The following MALRD1 variants were observed in gnomAD, a reference collection of about 807,000 sequenced individuals.
The protein encoded by MALRD1 is MAM and LDL-receptor class A domain-containing protein 1.
MALRD1 carries 247 observed loss-of-function variants against 242.1 expected under a neutral mutation model. The observed-to-expected ratio is 1.02, with a 90% CI of 0.92 to 1.13. The LOEUF is 1.13. MALRD1 is among the 50% of genes most tolerant of loss of function. MALRD1 has a pLI of 0.00. For synonymous variants in MALRD1, 995 were observed against 866.6 expected (o/e 1.15, Z -2.60); for missense variants, 2,989 against 2,533.1 (o/e 1.18, Z -3.86).
chr10:19,136,254 T>G (rs188015576), intron 9 of MALRD1, among the ~76,000 whole-genome samples: 3 of 152,072 alleles, frequency 2.0e-5, no homozygotes, highest in African/African-American at 4.8e-5. Flanking sequence ...GTCAGGGACA[T>G]TTTTTATAGT....
chr10:19,083,462 A>G (rs1835559293), intron 2 of MALRD1, among the ~76,000 whole-genome samples: 1 of 151,920 alleles, frequency 6.6e-6, no homozygotes, highest in Non-Finnish European at 1.5e-5. Context: ...TTAGTTTATT[A>G]TTTTCACTAA....
intron 31 of MALRD1, among the ~76,000 whole-genome samples, chr10:19,527,947 GA>G (rs201268677): frequency 0.019 from 2,888 of 152,200 alleles, 44 homozygotes; most frequent in East Asian, 0.044. Flanking sequence ...TGGATTTAAA[GA>G]AAGTACGTTT....
At chr10:19,134,226 C>T (rs1009453781) in intron 9 of MALRD1, among the ~76,000 whole-genome samples, 1 of 152,124 alleles carries the variant, frequency 6.6e-6, no homozygotes, top group Non-Finnish European at 1.5e-5. Context: ...TGCTGTGCCC[C>T]AGGGAAACAA....
chr10:19,124,235 T>C (rs1200083898), intron 6 of MALRD1, among the ~76,000 whole-genome samples: 1 of 151,934 alleles, frequency 6.6e-6, no homozygotes, highest in Non-Finnish European at 1.5e-5. Flanking sequence ...TTAAAACATA[T>C]TGTGACTGAA....
chr10:19,165,732 C>G lies in MALRD1; in HGVS notation c.1752C>G (p.Ile584Met), dbSNP rs540441534. Residue 584 changes from isoleucine (I) to methionine (M), a missense_variant, in exon 13 of 40, where the codon ATC becomes ATG. Transcript: ENST00000454679. The stretch of plus-strand genomic sequence containing the variant: ...ACTTGCAAAAGCAGGGCAAAATAAT[C>G]AGATTCTCCGAATCTCAGTGGAGCC... ...DGNLQKQGKI[I>M]RFSESQWSHA... The G allele has an allele frequency of 6.5e-6, 8 of 1,231,626 alleles. No individual in the cohort carries two copies. The East Asian group carries it at 2.2e-4, about 34-fold the overall frequency. The allele number at this position is 1,231,626 out of a possible 1,614,324, so 76.3% of individuals were successfully genotyped here.
In MALRD1 at chr10:19,450,323, C is replaced by G. The variant is rs1468291716; in HGVS notation, c.4862C>G (p.Ser1621Ter). The G allele has an allele frequency of 6.5e-6, 10 of 1,548,258 alleles. No individual in the cohort carries two copies. The highest frequency in any genetic ancestry group is 8.7e-6 in the Non-Finnish European group (10 of 1,146,718). The stretch of plus-strand genomic sequence containing the variant: ...TACTTTCAGACAGAGAAAGGACTAT[C>G]AAAAGTATGGCAAGAAAGTAAGCAG... ...QILIKTEKGL[S>*]KVWQESKQNP... Residue 1621 changes from serine (S) to a stop codon, truncating the protein, a stop_gained, in exon 29 of 40, where the codon TCA becomes TGA. Transcript: ENST00000454679. LOFTEE classifies it high-confidence loss of function.
chr10:19,520,327 A>C (rs1833823245), intron 31 of MALRD1, among the ~76,000 whole-genome samples: 2 of 151,574 alleles, frequency 1.3e-5, no homozygotes, highest in South Asian at 4.2e-4. Flanking sequence ...AAAAAGCTGC[A>C]ATTGGTATCA....
chr10:19,069,698 T>C (rs1240157440), intron 2 of MALRD1, among the ~76,000 whole-genome samples: 1 of 151,938 alleles, frequency 6.6e-6, no homozygotes, highest in African/African-American at 2.4e-5. Flanking sequence ...TTTAGTGCTT[T>C]AAAGACATTA....
intron 28 of MALRD1, among the ~76,000 whole-genome samples, chr10:19,406,696 G>A (rs539408000): frequency 1.8e-4 from 27 of 152,182 alleles, no homozygotes; most frequent in Non-Finnish European, 2.4e-4. Flanking sequence ...ATCTGTTGAC[G>A]TATTCTTTAA....
At chr10:19,617,860 T>G (rs1839232452) in intron 36 of MALRD1, among the ~76,000 whole-genome samples, 1 of 152,060 alleles carries the variant, frequency 6.6e-6, no homozygotes, top group Non-Finnish European at 1.5e-5. Flanking sequence ...TATCCAAAAT[T>G]TATTGAGTTA....
chr10:19,640,557 A>G (rs990299531), intron 36 of MALRD1, among the ~76,000 whole-genome samples: 9 of 152,152 alleles, frequency 5.9e-5, no homozygotes, highest in African/African-American at 1.9e-4. Flanking sequence ...TAATTGAGAT[A>G]ACATTTATTC....
chr10:19,134,861 C>T (rs770082573), intron 9 of MALRD1, among the ~76,000 whole-genome samples: 5 of 151,928 alleles, frequency 3.3e-5, no homozygotes, highest in African/African-American at 7.2e-5. Flanking sequence ...ATTAGCTGTT[C>T]AATAATTATA....
At chr10:19,533,690 A>G (rs1589211081) in intron 32 of MALRD1, among the ~76,000 whole-genome samples, 1 of 152,290 alleles carries the variant, frequency 6.6e-6, no homozygotes, top group East Asian at 1.9e-4. Flanking sequence ...ACCAGATATC[A>G]TGAGAACTCA....
intron 14 of MALRD1, among the ~76,000 whole-genome samples, chr10:19,181,923 T>C (rs1309597710): frequency 2.6e-5 from 4 of 152,156 alleles, no homozygotes; most frequent in Non-Finnish European, 5.9e-5. Flanking sequence ...TTAATAGTGT[T>C]GTAATGATAA....
chr10:19,291,167 A>G (rs1338697485), intron 21 of MALRD1, among the ~76,000 whole-genome samples: 1 of 152,146 alleles, frequency 6.6e-6, no homozygotes. Context: ...TTTTTTTAGT[A>G]TAAAATTATT....
chr10:19,445,871 G>T (rs192633658), intron 28 of MALRD1, among the ~76,000 whole-genome samples: 1 of 152,304 alleles, frequency 6.6e-6, no homozygotes. Flanking sequence ...GCTGCCTTTT[G>T]TTCAGCTATG....
At chr10:19,609,855 A>T (rs1216919923) in intron 35 of MALRD1, among the ~76,000 whole-genome samples, 24 of 152,030 alleles carry the variant, frequency 1.6e-4, no homozygotes, top group Admixed American at 1.6e-3. Flanking sequence ...ATAATCATTC[A>T]TTTGAAGGAG....
chr10:19,632,930 G>A (rs1839970046), intron 36 of MALRD1, among the ~76,000 whole-genome samples: 1 of 152,072 alleles, frequency 6.6e-6, no homozygotes, highest in African/African-American at 2.4e-5. Context: ...AGAGAGAAAT[G>A]TGAAGAGAGT....
At chr10:19,698,504 G>T (rs1042081543) in intron 38 of MALRD1, among the ~76,000 whole-genome samples, 1 of 152,180 alleles carries the variant, frequency 6.6e-6, no homozygotes, top group Admixed American at 6.6e-5. Context: ...TGGAAAGAAA[G>T]GAGGATGAGA....
Sources: allele counts gnomAD v4.1 joint callset (sites outside exome capture counted in the v4.1 genomes callset), GRCh38; gene constraint gnomAD v4.1.1; transcripts MANE v1.5; gene names NCBI Gene and HGNC (gene_info 2026-07-23, HGNC 2026-07-21).